Variants in CDRT4 observed in about 807,000 individuals in gnomAD.
CDRT4 encodes the protein CMT1A duplicated region transcript 4.
For missense variants in CDRT4, 167 were observed against 193.1 expected (o/e 0.87, Z 0.80); for synonymous variants, 64 against 69.6 (o/e 0.92, Z 0.40).
chr17:15,458,012 C>A (rs1440126533), intron 1 of CDRT4, among the ~76,000 whole-genome samples: 1 of 152,214 alleles, frequency 6.6e-6, no homozygotes, highest in Non-Finnish European at 1.5e-5. Context: ...CTTTGCCTCC[C>A]AGCAGGCCGT....
intron 3 of CDRT4, among the ~76,000 whole-genome samples, chr17:15,439,952 G>C (rs187348162): frequency 1.3e-5 from 2 of 152,178 alleles, no homozygotes; most frequent in Admixed American, 6.5e-5. Context: ...GGTGGGGAGA[G>C]GGGGGAGGGA....
Position 15,465,141 on chromosome 17 carries a change from A to G in CDRT4, c.-130+2319T>C, listed in dbSNP as rs1979953892. 1.4e-5 allele frequency among the ~76,000 whole-genome samples: 2 copies of G among 140,022 alleles called. 1 individual carries two copies. Among genetic ancestry groups the G allele is most frequent in the South Asian group, 5.3e-4 (2 of 3,756 alleles). The allele number at this position is 140,022 out of a possible 152,430, so 91.9% of individuals were successfully genotyped here. A position where few individuals can be genotyped will look rare whatever the true frequency, so the allele number is the denominator to read the frequency against. On this transcript the variant is annotated intron_variant, in intron 1 of 3. Coordinates refer to ENST00000619038, the MANE Select transcript of CDRT4 (RefSeq NM_001204477.2). The stretch of plus-strand genomic sequence containing the variant: ...GACACACCAACACACAGATACAAAC[A>G]CAGACACACCAACACACACACACCA...
intron 2 of CDRT4, among the ~76,000 whole-genome samples, chr17:15,451,494 G>A (rs1257975709): frequency 6.6e-6 from 1 of 150,988 alleles, no homozygotes; most frequent in Non-Finnish European, 1.5e-5. Context: ...AGAAGCCAAT[G>A]CCAGTTCCTT....
chr17:15,439,158 G>A, intron 3 of CDRT4: 1 of 456,060 alleles, frequency 2.2e-6, no homozygotes, highest in Middle Eastern at 3.3e-4. Context: ...CTTCCTCTGT[G>A]TTCTTATGTG....
At position 15,457,446 on chromosome 17, in the gene CDRT4, A is replaced by G. The variant is rs1979536565; in HGVS notation, c.-129-4361T>C. 1.3e-5 allele frequency among the ~76,000 whole-genome samples: 2 copies of G among 152,238 alleles called. 1 individual carries two copies. The highest frequency in any genetic ancestry group is 4.1e-4 in the South Asian group (2 of 4,832). On this transcript the variant is annotated intron_variant, in intron 1 of 3. Transcript: ENST00000619038. The stretch of plus-strand genomic sequence containing the variant: ...CACAACAAACCCTGCCTGGGCATGG[A>G]GCCCACAGAGCGGGCGCTAAACAGC...
intron 2 of CDRT4, among the ~76,000 whole-genome samples, chr17:15,446,132 C>T (rs1979013817): frequency 6.6e-6 from 1 of 152,188 alleles, no homozygotes; most frequent in Non-Finnish European, 1.5e-5. Flanking sequence ...GGTTTCCATG[C>T]TGATCTCCAC....
In CDRT4 at chr17:15,437,675, T is replaced by C; in HGVS notation, c.*98A>G. 1 of 1,247,942 alleles carries C rather than the reference T, an allele frequency of 8.0e-7. No individual in the cohort carries two copies. Among genetic ancestry groups the C allele is most frequent in the South Asian group, 1.4e-5 (1 of 69,510 alleles). The allele number at this position is 1,247,942 out of a possible 1,614,324, so 77.3% of individuals were successfully genotyped here. A position where few individuals can be genotyped will look rare whatever the true frequency, so the allele number is the denominator to read the frequency against. On this transcript the variant is annotated 3_prime_UTR_variant, in exon 4 of 4. Transcript: ENST00000619038. ...GAGCAAGTTCAGATTTAAAGGACAC[T>C]GTCAAGTGAGTGGTAAATGGAGCTT...
chr17:15,452,051 G>T (rs1979285609), intron 2 of CDRT4, among the ~76,000 whole-genome samples: 1 of 152,170 alleles, frequency 6.6e-6, no homozygotes, highest in African/African-American at 2.4e-5. Context: ...CTGCACACTT[G>T]TATGGGACAC....
intron 2 of CDRT4, among the ~76,000 whole-genome samples, chr17:15,441,857 A>T (rs935705235): frequency 2.6e-5 from 4 of 152,212 alleles, no homozygotes; most frequent in African/African-American, 9.7e-5. Flanking sequence ...TCACAATGTC[A>T]TTATTCTGAG....
intron 1 of CDRT4, among the ~76,000 whole-genome samples, chr17:15,453,749 G>T (rs1979365373): frequency 6.6e-6 from 1 of 152,202 alleles, no homozygotes; most frequent in South Asian, 2.1e-4. Flanking sequence ...AGTGTAGCAT[G>T]GAATTCAGAG....
chr17:15,449,374 CACA>C (rs1383543020), intron 2 of CDRT4, among the ~76,000 whole-genome samples: 2 of 152,240 alleles, frequency 1.3e-5, no homozygotes, highest in Non-Finnish European at 2.9e-5. Flanking sequence ...TCCAAGGTCA[CACA>C]ACAATTAGGT....
At chr17:15,465,853 G>A (rs1040341458) in intron 1 of CDRT4, among the ~76,000 whole-genome samples, 3 of 151,768 alleles carry the variant, frequency 2.0e-5, no homozygotes, top group African/African-American at 4.8e-5. Context: ...AGCGCGCATC[G>A]TGAGGACTCC....
rs531964312 is a variant in CDRT4, at chr17:15,467,305, G to A, written c.-130+155C>T. On this transcript the variant is annotated intron_variant, in intron 1 of 3. Coordinates refer to ENST00000619038, the MANE Select transcript of CDRT4 (RefSeq NM_001204477.2). ...TGACCAGGATTGGGATCCACTTAAGGGAAGTAATGCTGGGGACTCTGGGGA... is the reference window on the plus strand; with the variant it reads ...TGACCAGGATTGGGATCCACTTAAGAGAAGTAATGCTGGGGACTCTGGGGA... Among the ~76,000 whole-genome samples the A allele has an allele frequency of 3.3e-5, 5 of 152,252 alleles. No homozygotes were observed. In the East Asian group the frequency reaches 5.8e-4, roughly 18 times the overall value.
At chr17:15,463,676 G>T (rs1979861560) in intron 1 of CDRT4, among the ~76,000 whole-genome samples, 1 of 152,110 alleles carries the variant, frequency 6.6e-6, no homozygotes, top group Admixed American at 6.5e-5. Flanking sequence ...TGCCCTCTCT[G>T]CGGTGGGCTC....
chr17:15,455,038 A>G (rs1036536883), intron 1 of CDRT4, among the ~76,000 whole-genome samples: 6 of 152,182 alleles, frequency 3.9e-5, no homozygotes, highest in African/African-American at 4.8e-5. Flanking sequence ...AGAAAACTAG[A>G]TAACAATGGC....
At chr17:15,441,586 T>A (rs935660166) in intron 2 of CDRT4, among the ~76,000 whole-genome samples, 1 of 152,150 alleles carries the variant, frequency 6.6e-6, no homozygotes, top group Non-Finnish European at 1.5e-5. Context: ...CCTTTTTCCC[T>A]AATCAAGGAA....
intron 2 of CDRT4, chr17:15,443,587 G>A (rs1978877009): frequency 3.3e-6 from 1 of 305,000 alleles, no homozygotes; most frequent in Non-Finnish European, 6.3e-6. Flanking sequence ...CTAGCCCACA[G>A]TTGTTTTAAA....
At chr17:15,446,368 C>T (rs942780474) in intron 2 of CDRT4, among the ~76,000 whole-genome samples, 1 of 152,098 alleles carries the variant, frequency 6.6e-6, no homozygotes, top group African/African-American at 2.4e-5. Context: ...GGGGTGCACA[C>T]AAGAAGATGA....
intron 1 of CDRT4, among the ~76,000 whole-genome samples, chr17:15,454,944 C>T (rs1304111692): frequency 6.6e-6 from 1 of 152,136 alleles, no homozygotes; most frequent in Non-Finnish European, 1.5e-5. Flanking sequence ...TAACCGTTAG[C>T]TTTTCTGGTA....
Sources: gnomAD v4.1 joint callset for allele counts (sites outside exome capture counted in the v4.1 genomes callset) on GRCh38, gnomAD v4.1.1 for gene constraint, MANE v1.5 for transcripts, NCBI Gene and HGNC (gene_info 2026-07-23, HGNC 2026-07-21) for gene names.